The following BOC variants were observed in gnomAD, a reference collection of about 807,000 sequenced individuals.
BOC encodes the protein BOC cell adhesion associated, oncogene regulated, also known as brother of CDO.
A neutral mutation model predicts 112.0 loss-of-function variants in BOC; 76 were observed. The ratio of observed to expected loss-of-function variants is 0.68; its 90% CI spans 0.56 to 0.82. The LOEUF (loss-of-function observed/expected upper bound fraction) is 0.82, where lower values mean the gene tolerates loss of function less well. BOC is among the 40% of genes least tolerant of loss of function. The pLI, the probability that BOC is intolerant of heterozygous loss-of-function variation, is 0.00. For missense variants in BOC, 1,309 were observed against 1,511.7 expected (o/e 0.87, Z 2.22); for synonymous variants, 580 against 599.8 (o/e 0.97, Z 0.48).
At chr3:113,275,457 G>A (rs1948566961) in intron 9 of BOC, among the ~76,000 whole-genome samples, 1 of 152,230 alleles carries the variant, frequency 6.6e-6, no homozygotes, top group African/African-American at 2.4e-5. Flanking sequence ...GCTCTTACCT[G>A]CCGTTACCCC....
intron 2 of BOC, among the ~76,000 whole-genome samples, chr3:113,231,333 C>T (rs190210948): frequency 1.3e-5 from 2 of 152,258 alleles, no homozygotes; most frequent in Admixed American, 1.3e-4. Flanking sequence ...TTAAGTGTCT[C>T]CTGACATTTT....
chr3:113,222,730 A>G (rs55919261), intron 2 of BOC, among the ~76,000 whole-genome samples: 10,379 of 152,214 alleles, frequency 0.068, 378 homozygotes, highest in East Asian at 0.098. Flanking sequence ...ACACTCTCAT[A>G]CCACCAGCAG....
chr3:113,235,799 T>A (rs1292668805), intron 2 of BOC, among the ~76,000 whole-genome samples: 1 of 152,206 alleles, frequency 6.6e-6, no homozygotes, highest in Non-Finnish European at 1.5e-5. Context: ...ACGAAGAATA[T>A]TTTTTGAACT....
intron 2 of BOC, among the ~76,000 whole-genome samples, chr3:113,247,500 G>GA (rs58781225): frequency 0.59 from 74,567 of 125,812 alleles, 22,798 homozygotes; most frequent in Middle Eastern, 0.72. Flanking sequence ...GCCCTGATAG[G>GA]AAAAAAAAAA....
In BOC at chr3:113,273,247, C is replaced by T. The variant is rs1948332200; in HGVS notation, c.1140C>T (p.Ser380=). ...CCCGCAGGGCCCTGCGCGTGCTCAG[C>T]ATGGGGCCTGAGGACGAAGGCGTCT... is the stretch of plus-strand genomic sequence containing the variant. ...RLSRRALRVL[S]MGPEDEGVYQ... Residue 380 remains serine, a synonymous_variant, in exon 8 of 20, where the codon AGC becomes AGT. Transcript: ENST00000682979. 6.2e-7 allele frequency: 1 copy of T among 1,613,298 alleles called. No individual in the cohort carries two copies. The highest frequency in any genetic ancestry group is 8.5e-7 in the Non-Finnish European group (1 of 1,179,874).
intron 4 of BOC, among the ~76,000 whole-genome samples, chr3:113,268,035 G>A (rs1378822259): frequency 6.6e-6 from 1 of 152,184 alleles, no homozygotes; most frequent in African/African-American, 2.4e-5. Context: ...GATGGTCTGA[G>A]CCAGAGGCAC....
At chr3:113,272,831 G>C (rs1048472205) in intron 7 of BOC, 128 bp downstream of exon 7, 35 of 1,229,970 alleles carry the variant, frequency 2.8e-5, no homozygotes, top group Non-Finnish European at 3.8e-5. Flanking sequence ...GTGAGGAACA[G>C]GCATGCTGAA....
chr3:113,237,553 T>A (rs1271898333), intron 2 of BOC, among the ~76,000 whole-genome samples: 2 of 152,030 alleles, frequency 1.3e-5, no homozygotes, highest in African/African-American at 4.8e-5. Flanking sequence ...TTTTGGAAGA[T>A]GAGATGAGAA....
chr3:113,278,270 C>T lies in BOC; in HGVS notation c.1705+13C>T, dbSNP rs1948850535. 1 of 1,613,398 alleles carries T rather than the reference C, an allele frequency of 6.2e-7. No homozygotes were observed. The highest frequency in any genetic ancestry group is 1.7e-5 in the Admixed American group (1 of 59,980). On this transcript the variant is annotated intron_variant, in intron 10 of 19. Coordinates refer to ENST00000682979, the MANE Select transcript of BOC (RefSeq NM_001378074.1). This position sits in a 1 kb window ranked among gnomAD's most constrained non-coding sequence, Gnocchi z 4.2. The stretch of plus-strand genomic sequence containing the variant: ...ACCTTCCGAACTGGTGAGAGTCAAA[C>T]ATTGCCCCTTGCTTAGGGTTTCCGT...
chr3:113,225,525 G>T (rs1440007707), intron 2 of BOC, among the ~76,000 whole-genome samples: 1 of 152,160 alleles, frequency 6.6e-6, no homozygotes, highest in African/African-American at 2.4e-5. Flanking sequence ...CCAATCTATA[G>T]CCTGACCAGT....
At chr3:113,275,442 G>T (rs191427942) in intron 9 of BOC, among the ~76,000 whole-genome samples, 1 of 152,164 alleles carries the variant, frequency 6.6e-6, no homozygotes, top group Non-Finnish European at 1.5e-5. Context: ...CTCGCTCAAG[G>T]CCGTGCTCTT....
At chr3:113,273,518 C>T (rs1371306931) in intron 8 of BOC, among the ~76,000 whole-genome samples, 177 bp downstream of exon 8, 5 of 152,114 alleles carry the variant, frequency 3.3e-5, no homozygotes, top group Admixed American at 3.3e-4. Context: ...ATGAAAATAA[C>T]CCATTTAATT....
In BOC at chr3:113,284,506, C is replaced by T. The variant is rs755406839; in HGVS notation, c.2828C>T (p.Ser943Leu). 58 of 1,613,986 alleles carry T rather than the reference C, an allele frequency of 3.6e-5. No individual in the cohort carries two copies. The highest frequency in any genetic ancestry group is 1.2e-4 in the Admixed American group (7 of 60,004). ...NGIHMNRGCP[S>L]AAVGYPGMKP... ...ATCCACATGAATAGGGGCTGCCCCTCGGCTGCAGTGGGCTACCCGGGCATG... is the reference window on the plus strand; with the variant it reads ...ATCCACATGAATAGGGGCTGCCCCTTGGCTGCAGTGGGCTACCCGGGCATG... Residue 943 changes from serine to leucine, a missense_variant, in exon 17 of 20, where the codon TCG becomes TTG. By Grantham distance (145) the Ser-to-Leu change is moderately radical (BLOSUM62 -2). Transcript: ENST00000682979.
Position 113,278,099 on chromosome 3 carries a change from T to C in BOC, c.1547T>C (p.Val516Ala). Residue 516 changes from valine (V) to alanine (A), a missense_variant, in exon 10 of 20, where the codon GTC becomes GCC. Val to Ala is a moderately conservative substitution (Grantham distance 64). Coordinates refer to ENST00000682979, the MANE Select transcript of BOC (RefSeq NM_001378074.1). The surrounding 1 kb of genome is among the most constrained non-coding windows in gnomAD (Gnocchi z 4.2). ...LYYVVKHRKQVTNSSDDWTIS... is the reference protein window; with the variant it reads ...LYYVVKHRKQATNSSDDWTIS... The stretch of plus-strand genomic sequence containing the variant: ...TATACCAGCTACCTTCTCCAGCAGG[T>C]CACAAATTCCTCTGACGATTGGACC... 6.2e-7 allele frequency: 1 copy of C among 1,614,054 alleles called. No homozygotes were observed. Among genetic ancestry groups the C allele is most frequent in the Non-Finnish European group, 8.5e-7 (1 of 1,180,004 alleles).
intron 16 of BOC, 110 bp downstream of exon 16, chr3:113,283,742 C>A: frequency 3.8e-6 from 4 of 1,063,766 alleles, no homozygotes; most frequent in East Asian, 2.4e-5. Context: ...CCAAGTCCCC[C>A]AAAGGTCTCG....
At chr3:113,242,963 A>G (rs1944492207) in intron 2 of BOC, among the ~76,000 whole-genome samples, 1 of 152,168 alleles carries the variant, frequency 6.6e-6, no homozygotes, top group South Asian at 2.1e-4. Flanking sequence ...CTTTGCTAAT[A>G]TTTAATATAG....
At chr3:113,230,112 T>A (rs1942360949) in intron 2 of BOC, among the ~76,000 whole-genome samples, 1 of 152,204 alleles carries the variant, frequency 6.6e-6, no homozygotes, top group African/African-American at 2.4e-5. Flanking sequence ...AGAACCTAGG[T>A]TAAGAAATGA....
At chr3:113,255,915 A>C (rs559130151) in intron 4 of BOC, among the ~76,000 whole-genome samples, 1 of 152,252 alleles carries the variant, frequency 6.6e-6, no homozygotes, top group African/African-American at 2.4e-5. Context: ...GCTAAAAAAA[A>C]TTTTTAAATT....
intron 13 of BOC, 48 bp downstream of exon 13, chr3:113,280,053 A>T: frequency 6.5e-7 from 1 of 1,534,700 alleles, no homozygotes; most frequent in Non-Finnish European, 8.8e-7. Flanking sequence ...CCTCCCCTAA[A>T]TGCCCTTCCC....
Sources: allele counts gnomAD v4.1 joint callset (sites outside exome capture counted in the v4.1 genomes callset), GRCh38; gene constraint gnomAD v4.1.1; non-coding constraint Gnocchi (gnomAD v3.1); transcripts MANE v1.5; gene names NCBI Gene and HGNC (gene_info 2026-07-23, HGNC 2026-07-21).